ACER3: variants seen among roughly 807,000 people sequenced by gnomAD.
ACER3 encodes alkCDase 3.
ACER3 carries 16 observed loss-of-function variants against 48.9 expected under a neutral mutation model. That is an observed-to-expected ratio of 0.33 (90% CI 0.22 to 0.50). The LOEUF is 0.50. Among genes scored for constraint, ACER3 ranks in the 20% least tolerant of loss-of-function variants. The pLI, the probability that ACER3 is intolerant of heterozygous loss-of-function variation, is 0.98. For synonymous variants in ACER3, 109 were observed against 107.8 expected, an observed-to-expected ratio of 1.01 and a Z score of -0.07; for missense variants, 227 against 326.0, an observed-to-expected ratio of 0.70 and a Z score of 2.34.
chr11:76,990,203 A>C (rs1948770418), intron 5 of ACER3, among the ~76,000 whole-genome samples: 1 of 152,192 alleles, frequency 6.6e-6, no homozygotes, highest in Non-Finnish European at 1.5e-5. Flanking sequence ...TGTAGAACAG[A>C]TCTGCTTTGG....
chr11:76,909,515 A>T (rs1337955951), intron 1 of ACER3, among the ~76,000 whole-genome samples: 2 of 152,244 alleles, frequency 1.3e-5, no homozygotes, highest in Non-Finnish European at 2.9e-5. Flanking sequence ...AAACATATGA[A>T]AAAAAGCTAA....
chr11:76,866,816 A>G (rs556688041), intron 1 of ACER3, among the ~76,000 whole-genome samples: 3 of 152,208 alleles, frequency 2.0e-5, no homozygotes, highest in East Asian at 3.9e-4. Flanking sequence ...AGGTCTCACA[A>G]CTCTTTCTAC....
intron 4 of ACER3, among the ~76,000 whole-genome samples, chr11:76,981,130 A>G (rs1948574254): frequency 1.3e-5 from 2 of 152,230 alleles, no homozygotes; most frequent in Admixed American, 6.5e-5. Context: ...GTGTCCTGTC[A>G]TAGTGAATTA....
At chr11:76,943,749 ACCC>A (rs71043514) in intron 2 of ACER3, among the ~76,000 whole-genome samples, 91,952 of 146,878 alleles carry the variant, frequency 0.63, 29,358 homozygotes, top group Non-Finnish European at 0.73. Context: ...TGTGTTGAAG[ACCC>A]CCCCCCCCAC....
chr11:76,962,216 ATT>A (rs10646198), intron 3 of ACER3, among the ~76,000 whole-genome samples: 1 of 105,110 alleles, frequency 9.5e-6, no homozygotes, highest in Non-Finnish European at 1.8e-5. Context: ...TGCCCAGCTA[ATT>A]TTTTTTTTTT....
intron 1 of ACER3, among the ~76,000 whole-genome samples, chr11:76,870,163 A>T (rs915006597): frequency 3.5e-5 from 5 of 143,252 alleles, no homozygotes; most frequent in African/African-American, 5.3e-5. Flanking sequence ...CACCTGACTA[A>T]TTTTTTTATT....
At chr11:77,014,463 A>C (rs1555022845) in intron 7 of ACER3, among the ~76,000 whole-genome samples, 1 of 152,238 alleles carries the variant, frequency 6.6e-6, no homozygotes, top group African/African-American at 2.4e-5. Context: ...GGTACACAGT[A>C]AGTACTCCAT....
chr11:76,969,038 T>C (rs1948220355), intron 3 of ACER3, among the ~76,000 whole-genome samples: 1 of 152,120 alleles, frequency 6.6e-6, no homozygotes, highest in South Asian at 2.1e-4. Context: ...TTTTGCAATC[T>C]ACTCATCTGA....
chr11:76,873,050 T>C (rs1945285875), intron 1 of ACER3, among the ~76,000 whole-genome samples: 1 of 151,622 alleles, frequency 6.6e-6, no homozygotes, highest in African/African-American at 2.4e-5. Context: ...TAGCTAGCAC[T>C]ACAAGTGTCT....
chr11:76,881,605 G>GCT (rs1461071334), intron 1 of ACER3, among the ~76,000 whole-genome samples: 6 of 151,940 alleles, frequency 3.9e-5, no homozygotes, highest in Admixed American at 1.3e-4. Flanking sequence ...AACTATATAG[G>GCT]CTCATATCCT....
chr11:77,021,167 C>A lies in ACER3; in HGVS notation c.*840C>A, dbSNP rs1949465349. 1 of 152,206 alleles carries A rather than the reference C, an allele frequency of 6.6e-6. No homozygotes were observed. The highest frequency in any genetic ancestry group is 1.5e-5 in the Non-Finnish European group (1 of 68,046). 9.4% of individuals were successfully genotyped at this position (152,206 alleles called of 1,614,324 possible). ...GTCTAGACTACCCATAGTTCATCCTCCTCACATAACTTATTTGAAGTTGTC... is the reference window on the plus strand; with the variant it reads ...GTCTAGACTACCCATAGTTCATCCTACTCACATAACTTATTTGAAGTTGTC... On this transcript the variant is annotated 3_prime_UTR_variant, in exon 11 of 11. Transcript: ENST00000532485.
intron 4 of ACER3, among the ~76,000 whole-genome samples, chr11:76,982,008 GA>G (rs1948594698): frequency 6.6e-6 from 1 of 152,078 alleles, no homozygotes; most frequent in African/African-American, 2.4e-5. Flanking sequence ...GGCAATATAT[GA>G]AACTTCCATT....
intron 4 of ACER3, among the ~76,000 whole-genome samples, chr11:76,981,202 G>A (rs565450832): frequency 5.1e-4 from 77 of 152,276 alleles, no homozygotes; most frequent in African/African-American, 1.7e-3. Flanking sequence ...AAAAGAGCAT[G>A]CAAAGCTTTT....
chr11:76,971,600 A>G (rs1457890042), intron 3 of ACER3, among the ~76,000 whole-genome samples: 1 of 152,188 alleles, frequency 6.6e-6, no homozygotes, highest in Non-Finnish European at 1.5e-5. Flanking sequence ...GGTCTTATTA[A>G]CATGTATGGG....
chr11:76,999,138 A>G (rs1555019277), intron 7 of ACER3, among the ~76,000 whole-genome samples: 1 of 152,194 alleles, frequency 6.6e-6, no homozygotes, highest in Non-Finnish European at 1.5e-5. Flanking sequence ...ATAGTTAAAA[A>G]AAAATTGTTT....
chr11:76,896,803 T>C (rs532960206), intron 1 of ACER3, among the ~76,000 whole-genome samples: 1 of 152,338 alleles, frequency 6.6e-6, no homozygotes, highest in South Asian at 2.1e-4. Context: ...TTTTTTTCTA[T>C]TGAAGTCAGC....
At chr11:76,905,467 C>T (rs1456674232) in intron 1 of ACER3, among the ~76,000 whole-genome samples, 1 of 152,182 alleles carries the variant, frequency 6.6e-6, no homozygotes, top group African/African-American at 2.4e-5. Context: ...AGTGAGCATT[C>T]ATTGCCCTTA....
intron 5 of ACER3, 112 bp from the exon 6 acceptor site, chr11:76,990,427 G>T: frequency 3.8e-6 from 3 of 795,934 alleles, no homozygotes; most frequent in Non-Finnish European, 6.7e-6. Flanking sequence ...ATTCAAGTCT[G>T]AGTAAGATGG....
intron 1 of ACER3, among the ~76,000 whole-genome samples, chr11:76,900,555 C>T (rs1167383972): frequency 1.3e-5 from 2 of 152,110 alleles, no homozygotes; most frequent in African/African-American, 4.8e-5. Context: ...TAAGGGGTCT[C>T]ATTTTCATAA....
Sources: gnomAD v4.1 joint callset for allele counts (sites outside exome capture counted in the v4.1 genomes callset) on GRCh38, gnomAD v4.1.1 for gene constraint, MANE v1.5 for transcripts, NCBI Gene and HGNC (gene_info 2026-07-23, HGNC 2026-07-21) for gene names.